Variants in MAF observed in about 807,000 individuals in gnomAD.
MAF encodes the protein transcription factor Maf.
MAF carries 10 observed loss-of-function variants against 22.0 expected under a neutral mutation model. That is an observed-to-expected ratio of 0.45 (90% CI 0.28 to 0.77). The LOEUF is 0.77. Among genes scored for constraint, MAF ranks in the 30% least tolerant of loss-of-function variants. The probability of loss-of-function intolerance (pLI) is 0.12; values close to 1 mark genes in which losing one functional copy is unlikely to be tolerated. For synonymous variants in MAF, 337 were observed against 255.8 expected (o/e 1.32, Z -3.03); for missense variants, 544 against 548.4 (o/e 0.99, Z 0.08).
the MAF span, among the ~76,000 whole-genome samples, chr16:79,376,753 C>T: frequency 3.3e-5 from 5 of 152,126 alleles, no homozygotes; most frequent in Non-Finnish European, 7.3e-5. Context: ...CAATTCCCAC[C>T]TATGAGTGAG....
the MAF span, among the ~76,000 whole-genome samples, chr16:79,298,325 T>C: frequency 6.6e-6 from 1 of 152,386 alleles, no homozygotes; most frequent in South Asian, 2.1e-4. Flanking sequence ...GCTCTGCTCC[T>C]GTCTATCCTA....
chr16:79,338,002 T>A, the MAF span, among the ~76,000 whole-genome samples: 1 of 152,214 alleles, frequency 6.6e-6, no homozygotes, highest in Non-Finnish European at 1.5e-5. Flanking sequence ...TGTCAGGCCC[T>A]GTGCTAGGCA....
the MAF span, among the ~76,000 whole-genome samples, chr16:79,572,841 A>T: frequency 4.3e-3 from 656 of 152,322 alleles, 3 homozygotes; most frequent in African/African-American, 0.014. Flanking sequence ...TTGAATTAAA[A>T]TTCCCAAACA....
the MAF span, among the ~76,000 whole-genome samples, chr16:79,524,459 G>A: frequency 6.6e-6 from 1 of 152,158 alleles, no homozygotes; most frequent in South Asian, 2.1e-4. Flanking sequence ...CAGCCAAATG[G>A]GAGCTCGGCA....
the MAF span, among the ~76,000 whole-genome samples, chr16:79,477,378 C>T: frequency 6.6e-6 from 1 of 152,134 alleles, no homozygotes; most frequent in East Asian, 1.9e-4. Flanking sequence ...TAGGGCCAGA[C>T]GGATCAGCTT....
the MAF span, among the ~76,000 whole-genome samples, chr16:79,217,958 C>A: frequency 8.3e-6 from 1 of 120,288 alleles, no homozygotes; most frequent in East Asian, 2.6e-4. Context: ...TTCTGTTCAC[C>A]AGCAGGCACC....
chr16:79,469,637 C>T, the MAF span, among the ~76,000 whole-genome samples: 1 of 152,098 alleles, frequency 6.6e-6, no homozygotes, highest in African/African-American at 2.4e-5. Flanking sequence ...CACTCTGTTG[C>T]CCAGACTGGA....
chr16:79,205,442 C>G, the MAF span: 4 of 152,206 alleles, frequency 2.6e-5, no homozygotes, highest in East Asian at 5.8e-4. Flanking sequence ...AACATCTAAA[C>G]ACATTGTCCA....
chr16:79,350,902 TGC>T, the MAF span, among the ~76,000 whole-genome samples: 15 of 147,844 alleles, frequency 1.0e-4, no homozygotes, highest in African/African-American at 3.1e-4. Context: ...TGTGTGTGTG[TGC>T]GTGTGAATAC....
the MAF span, among the ~76,000 whole-genome samples, chr16:79,565,294 G>T: frequency 1.4e-4 from 21 of 152,160 alleles, no homozygotes; most frequent in Non-Finnish European, 4.4e-5. Flanking sequence ...TTTACATATT[G>T]TCGATGGCAG....
At chr16:79,562,686 A>T in the MAF span, among the ~76,000 whole-genome samples, 2 of 152,110 alleles carry the variant, frequency 1.3e-5, no homozygotes, top group Non-Finnish European at 2.9e-5. Context: ...CCTCATTCTT[A>T]ATCCCCCATG....
At chr16:79,235,927 G>T in the MAF span, among the ~76,000 whole-genome samples, 3 of 151,946 alleles carry the variant, frequency 2.0e-5, no homozygotes, top group African/African-American at 4.8e-5. Context: ...AAGCCAAGCC[G>T]CCCAGAATCC....
At chr16:79,359,381 C>G in the MAF span, among the ~76,000 whole-genome samples, 44 of 152,270 alleles carry the variant, frequency 2.9e-4, 1 homozygote, top group African/African-American at 1.0e-3. Context: ...AAAAGTTTCT[C>G]TGATGGGATG....
chr16:79,360,802 A>G, the MAF span, among the ~76,000 whole-genome samples: 1 of 152,152 alleles, frequency 6.6e-6, no homozygotes, highest in African/African-American at 2.4e-5. Flanking sequence ...TGCCCTACAG[A>G]TAGGATCATA....
chr16:79,391,872 A>AAGGAGGAGGAGGAGGAGAAGG, the MAF span, among the ~76,000 whole-genome samples: 79 of 136,980 alleles, frequency 5.8e-4, no homozygotes, highest in African/African-American at 1.7e-3. Context: ...GGAGGAGGAG[A>AAGGAGGAGGAGGAGGAGAAGG]AGGAGGAGGA....
At chr16:79,473,727 A>G in the MAF span, among the ~76,000 whole-genome samples, 2 of 152,188 alleles carry the variant, frequency 1.3e-5, no homozygotes, top group Non-Finnish European at 2.9e-5. Flanking sequence ...GACAGACAAT[A>G]AAAATAAGTA....
At chr16:79,310,974 G>A in the MAF span, among the ~76,000 whole-genome samples, 2 of 152,130 alleles carry the variant, frequency 1.3e-5, no homozygotes, top group Non-Finnish European at 2.9e-5. Context: ...ACTGCTCCCA[G>A]GAGCGCGAGC....
At chr16:79,221,355 C>T in the MAF span, among the ~76,000 whole-genome samples, 12 of 152,236 alleles carry the variant, frequency 7.9e-5, no homozygotes, top group Admixed American at 2.6e-4. Flanking sequence ...GTCATGTTAC[C>T]GTTTTCTGAA....
the MAF span, among the ~76,000 whole-genome samples, chr16:79,341,750 G>T: frequency 6.6e-6 from 1 of 152,188 alleles, no homozygotes; most frequent in African/African-American, 2.4e-5. Context: ...AGTGGAAGCA[G>T]AGAGATCAGT....
Sources: allele counts gnomAD v4.1 joint callset (sites outside exome capture counted in the v4.1 genomes callset), GRCh38; gene constraint gnomAD v4.1.1; transcripts MANE v1.5; gene names NCBI Gene and HGNC (gene_info 2026-07-23, HGNC 2026-07-21).